Variants in COL4A4 observed in about 807,000 individuals in gnomAD.
COL4A4 encodes the protein collagen type IV alpha 4 chain.
In COL4A4, 105 loss-of-function variants were observed where a neutral mutation model predicts 192.9. The ratio of observed to expected loss-of-function variants is 0.54; its 90% CI spans 0.46 to 0.64. The LOEUF is 0.64. Among genes scored for constraint, COL4A4 ranks in the 30% least tolerant of loss-of-function variants. The pLI is 0.00. For synonymous variants in COL4A4, 762 were observed against 769.9 expected, an observed-to-expected ratio of 0.99 and a Z score of 0.17; for missense variants, 1,967 against 2,169.3, an observed-to-expected ratio of 0.91 and a Z score of 1.85.
chr2:226,983,166 C>G, the COL4A4 span, among the ~76,000 whole-genome samples: 1 of 152,174 alleles, frequency 6.6e-6, no homozygotes, highest in Non-Finnish European at 1.5e-5. Flanking sequence ...ATCCAGCTCA[C>G]TTGAGGTGCA....
chr2:227,116,022 A>G (rs73082232), intron 7 of COL4A4, among the ~76,000 whole-genome samples: 7,178 of 152,302 alleles, frequency 0.047, 553 homozygotes, highest in African/African-American at 0.16. Context: ...AAGAAAGTCA[A>G]TGACTGAGAG....
At chr2:227,069,583 G>A (rs1017582618) in intron 25 of COL4A4, among the ~76,000 whole-genome samples, 2 of 152,034 alleles carry the variant, frequency 1.3e-5, no homozygotes, top group African/African-American at 4.8e-5. Flanking sequence ...CAACTATCTG[G>A]TCTTTGACAA....
chr2:227,098,787 C>T lies in COL4A4; in HGVS notation c.1111G>A (p.Asp371Asn). Reference sequence around the variant, plus strand: ...CCATAGCGGCCAGGGAACCCTGGGTCCCCTGGTGGGCCTGCCAAAGATAAT... The same window carrying T: ...CCATAGCGGCCAGGGAACCCTGGGTTCCCTGGTGGGCCTGCCAAAGATAAT... The part of the protein sequence containing the change: ...PPLPLKGPPG[D>N]PGFPGRYGET... The change falls in exon 19 of 48, where the codon GAC (aspartate) becomes AAC (asparagine). Residue 371 changes from aspartate to asparagine, a missense_variant. Physicochemically the swap from Asp to Asn is conservative, Grantham distance 23. Transcript: ENST00000396625. 6.2e-7 allele frequency: 1 copy of T among 1,613,446 alleles called. No homozygotes were observed. The highest frequency in any genetic ancestry group is 8.5e-7 in the Non-Finnish European group (1 of 1,179,502).
intron 4 of COL4A4, among the ~76,000 whole-genome samples, chr2:227,122,978 C>T (rs1429409498): frequency 6.6e-6 from 1 of 152,164 alleles, no homozygotes; most frequent in Admixed American, 6.5e-5. Context: ...GATCCTCCCA[C>T]CTCAGCCTCC....
intron 37 of COL4A4, among the ~76,000 whole-genome samples, chr2:227,037,243 A>G (rs1041997253): frequency 1.3e-5 from 2 of 152,012 alleles, no homozygotes; most frequent in African/African-American, 4.8e-5. Context: ...CTAGCCTCTC[A>G]CCCACTGACA....
intron 7 of COL4A4, among the ~76,000 whole-genome samples, chr2:227,115,937 A>AT (rs554021318): frequency 1.5e-3 from 221 of 152,354 alleles, no homozygotes; most frequent in African/African-American, 5.2e-3. Flanking sequence ...CTCTCAGCCC[A>AT]CAAATCGCTA....
chr2:227,015,681 C>T (rs948233407), intron 44 of COL4A4, among the ~76,000 whole-genome samples: 30 of 152,170 alleles, frequency 2.0e-4, no homozygotes, highest in Non-Finnish European at 3.4e-4. Flanking sequence ...TCTAGCAGAG[C>T]AGCTGGCAGC....
In COL4A4 at chr2:227,088,812, A is replaced by C. The variant is rs2059739807; in HGVS notation, c.1464T>G (p.Asn488Lys). Reference protein sequence around the residue: ...GGRGPKGEKGNEGLCACEPGP... With the variant: ...GGRGPKGEKGKEGLCACEPGP... ...CAGGCTCACAGGCACAGAGTCCTTC[A>C]TTTCCTAGACAGAGGATCAATGGCA... The change falls in exon 22 of 48, where the codon AAT (asparagine) becomes AAG (lysine). Residue 488 changes from asparagine (N) to lysine (K), a missense_variant. Coordinates refer to ENST00000396625, the MANE Select transcript of COL4A4 (RefSeq NM_000092.5). 4 of 1,614,118 alleles carry C rather than the reference A, an allele frequency of 2.5e-6. No individual in the cohort carries two copies. In the South Asian group the frequency reaches 4.4e-5, roughly 18 times the overall value.
intron 35 of COL4A4, among the ~76,000 whole-genome samples, chr2:227,043,457 T>C (rs890832131): frequency 6.6e-6 from 1 of 152,232 alleles, no homozygotes; most frequent in African/African-American, 2.4e-5. Context: ...CATAAGTAAT[T>C]TTCCAAGTTT....
intron 37 of COL4A4, among the ~76,000 whole-genome samples, chr2:227,041,787 G>GAAAGAAA (rs1291943683): frequency 9.1e-5 from 4 of 44,196 alleles, no homozygotes; most frequent in African/African-American, 2.1e-4. Context: ...AGGAAGGAAG[G>GAAAGAAA]GAAAGAAAGA....
chr2:227,046,079 T>C (rs1252136142), intron 35 of COL4A4, among the ~76,000 whole-genome samples: 67 of 138,650 alleles, frequency 4.8e-4, no homozygotes, highest in African/African-American at 1.8e-3. Context: ...ATATATATAT[T>C]TAGATATATA....
chr2:227,132,591 C>T (rs1227925683), intron 4 of COL4A4, among the ~76,000 whole-genome samples: 1 of 152,128 alleles, frequency 6.6e-6, no homozygotes, highest in African/African-American at 2.4e-5. Context: ...GCCTAGTCAA[C>T]ATGGTGAAAT....
chr2:227,160,643 G>A (rs969752995), intron 1 of COL4A4, among the ~76,000 whole-genome samples: 1 of 152,158 alleles, frequency 6.6e-6, no homozygotes, highest in Non-Finnish European at 1.5e-5. Context: ...TGGGGGGATT[G>A]TTTGTAACTG....
At chr2:227,016,062 C>G (rs1964790444) in intron 44 of COL4A4, among the ~76,000 whole-genome samples, 1 of 152,028 alleles carries the variant, frequency 6.6e-6, no homozygotes, top group African/African-American at 2.4e-5. Flanking sequence ...TGGTTCTGCA[C>G]CGCCCCACCC....
chr2:226,978,167 A>G, the COL4A4 span, among the ~76,000 whole-genome samples: 1 of 152,234 alleles, frequency 6.6e-6, no homozygotes, highest in Non-Finnish European at 1.5e-5. Context: ...CATAGAAACA[A>G]TTCTAGAACG....
intron 22 of COL4A4, among the ~76,000 whole-genome samples, chr2:227,088,208 G>C (rs1450109628): frequency 6.6e-6 from 1 of 152,184 alleles, no homozygotes; most frequent in Non-Finnish European, 1.5e-5. Flanking sequence ...CAATAAATTA[G>C]AAAGAGGCAC....
At chr2:227,094,752 A>G (rs1199067189) in intron 19 of COL4A4, among the ~76,000 whole-genome samples, 7 of 152,222 alleles carry the variant, frequency 4.6e-5, no homozygotes, top group Non-Finnish European at 7.3e-5. Context: ...CAAATAGGTT[A>G]ATTAGCTGGA....
chr2:227,119,457 TATAAG>T (rs2061660890), intron 6 of COL4A4, among the ~76,000 whole-genome samples: 1 of 149,004 alleles, frequency 6.7e-6, no homozygotes, highest in Admixed American at 6.7e-5. Context: ...ATATGTAAGA[TATAAG>T]ATACTATATA....
intron 37 of COL4A4, among the ~76,000 whole-genome samples, chr2:227,041,720 G>GAGGAAGGAAGGAAGGA (rs71036153): frequency 7.9e-4 from 31 of 39,256 alleles, no homozygotes; most frequent in South Asian, 2.4e-3. Context: ...AGGAAGGGAG[G>GAGGAAGGAAGGAAGGA]AGGAAGGAAG....
Sources: gnomAD v4.1 joint callset for allele counts (sites outside exome capture counted in the v4.1 genomes callset) on GRCh38, gnomAD v4.1.1 for gene constraint, MANE v1.5 for transcripts, NCBI Gene and HGNC (gene_info 2026-07-23, HGNC 2026-07-21) for gene names.